The following SYCP2L variants were observed in gnomAD, a reference collection of about 807,000 sequenced individuals.
The protein encoded by SYCP2L is synaptonemal complex protein 2 like.
Under a neutral mutation model 125.8 loss-of-function variants are expected in SYCP2L, and 98 were observed. That is an observed-to-expected ratio of 0.78 (90% CI 0.66 to 0.92). The LOEUF is 0.92. SYCP2L is among the 40% of genes least tolerant of loss of function. SYCP2L has a pLI of 0.00. For synonymous variants in SYCP2L, 317 were observed against 325.4 expected, an observed-to-expected ratio of 0.97 and a Z score of 0.28; for missense variants, 842 against 936.4, an observed-to-expected ratio of 0.90 and a Z score of 1.32.
chr6:10,941,842 GAC>G (rs1781226704), intron 21 of SYCP2L, among the ~76,000 whole-genome samples: 2 of 152,050 alleles, frequency 1.3e-5, no homozygotes, highest in African/African-American at 4.8e-5. Flanking sequence ...CTGCTATAAA[GAC>G]ACATGCACAG....
Position 10,912,978 on chromosome 6 carries a change from G to T in SYCP2L, c.1072+51G>T, listed in dbSNP as rs1780635979. The T allele has an allele frequency of 6.6e-7, 1 of 1,521,296 alleles. No homozygotes were observed. Among genetic ancestry groups the T allele is most frequent in the Admixed American group, 1.7e-5 (1 of 58,390 alleles). The allele number at this position is 1,521,296 out of a possible 1,614,324, so 94.2% of individuals were successfully genotyped here. ...ACGTCCAGTTCCAAATATTATTTCT[G>T]TTGTATATGCAGTGTGTATTTATTT... On this transcript the variant is annotated intron_variant, in intron 14 of 29. Transcript: ENST00000283141. The surrounding 1 kb of genome is among the most constrained non-coding windows in gnomAD (Gnocchi z 4.1).
chr6:10,912,992 G>A lies in SYCP2L; in HGVS notation c.1072+65G>A. 1 of 1,457,404 alleles carries A rather than the reference G, an allele frequency of 6.9e-7. No individual in the cohort carries two copies. The highest frequency in any genetic ancestry group is 9.5e-7 in the Non-Finnish European group (1 of 1,055,514). The allele number at this position is 1,457,404 out of a possible 1,614,324, so 90.3% of individuals were successfully genotyped here. A position where few individuals can be genotyped will look rare whatever the true frequency, so the allele number is the denominator to read the frequency against. On this transcript the variant is annotated intron_variant, in intron 14 of 29. Transcript: ENST00000283141. The surrounding 1 kb of genome is among the most constrained non-coding windows in gnomAD (Gnocchi z 4.1). Reference sequence around the variant, plus strand: ...ATATTATTTCTGTTGTATATGCAGTGTGTATTTATTTAATTCTAGGGCATA... The same window carrying A: ...ATATTATTTCTGTTGTATATGCAGTATGTATTTATTTAATTCTAGGGCATA...
chr6:10,924,649 G>A lies in SYCP2L; in HGVS notation c.1218+8G>A. ...TTAGGAGAAGACAAACAGGTGGCAG[G>A]TTTCATTCTTTTGGATTATTTAAAA... is the stretch of plus-strand genomic sequence containing the variant. On this transcript the variant is annotated splice_region_variant and intron_variant, in intron 15 of 29. Transcript: ENST00000283141. 6.5e-7 allele frequency: 1 copy of A among 1,543,516 alleles called. No homozygotes were observed. The highest frequency in any genetic ancestry group is 8.7e-7 in the Non-Finnish European group (1 of 1,153,762).
chr6:10,916,501 G>T (rs1013083137), intron 14 of SYCP2L, among the ~76,000 whole-genome samples: 3 of 152,136 alleles, frequency 2.0e-5, no homozygotes, highest in Non-Finnish European at 4.4e-5. Flanking sequence ...TATCTCAGAG[G>T]TTTTGATAGG....
At chr6:10,931,753 T>C (rs1315281886) in intron 20 of SYCP2L, among the ~76,000 whole-genome samples, 2 of 152,074 alleles carry the variant, frequency 1.3e-5, no homozygotes, top group Admixed American at 1.3e-4. Flanking sequence ...TCACTTGAGT[T>C]TGGGAGTTCG....
intron 20 of SYCP2L, among the ~76,000 whole-genome samples, chr6:10,934,203 A>T (rs1377134114): frequency 6.6e-6 from 1 of 152,254 alleles, no homozygotes; most frequent in East Asian, 1.9e-4. Flanking sequence ...GTATTTAATG[A>T]AAGTACTATT....
At chr6:10,916,952 A>G (rs1350010668) in intron 14 of SYCP2L, among the ~76,000 whole-genome samples, 4 of 152,248 alleles carry the variant, frequency 2.6e-5, no homozygotes, top group Admixed American at 2.6e-4. Flanking sequence ...AGATTGCACT[A>G]CTGCACTCCA....
At position 10,912,840 on chromosome 6, in the gene SYCP2L, T is replaced by C. The variant is rs1561685194; in HGVS notation, c.1012-27T>C. Reference sequence around the variant, plus strand: ...TATGTAAGTATGTGTTTTGCACTCATGAATTTCACTTATTTATTTTCCCAA... The same window carrying C: ...TATGTAAGTATGTGTTTTGCACTCACGAATTTCACTTATTTATTTTCCCAA... On this transcript the variant is annotated intron_variant, in intron 13 of 29. Transcript: ENST00000283141. The surrounding 1 kb of genome is among the most constrained non-coding windows in gnomAD (Gnocchi z 4.1). 3.1e-6 allele frequency: 5 copies of C among 1,612,936 alleles called. No individual in the cohort carries two copies.
intron 9 of SYCP2L, among the ~76,000 whole-genome samples, chr6:10,906,672 A>C (rs984748774): frequency 6.7e-6 from 1 of 150,314 alleles, no homozygotes; most frequent in African/African-American, 2.5e-5. Flanking sequence ...ATCTCGGCTC[A>C]CTGCAGCCTC....
intron 14 of SYCP2L, among the ~76,000 whole-genome samples, chr6:10,918,000 C>A (rs921689702): frequency 2.0e-5 from 3 of 152,096 alleles, no homozygotes; most frequent in African/African-American, 7.2e-5. Context: ...TGTAGGATTT[C>A]TGCTGAGAAA....
intron 21 of SYCP2L, among the ~76,000 whole-genome samples, chr6:10,938,486 A>C (rs1434949861): frequency 6.6e-6 from 1 of 152,220 alleles, no homozygotes; most frequent in African/African-American, 2.4e-5. Context: ...TTTTCCTCTA[A>C]GATCAGGAAT....
chr6:10,921,393 C>G (rs940222303), intron 14 of SYCP2L, among the ~76,000 whole-genome samples: 6 of 152,154 alleles, frequency 3.9e-5, no homozygotes. Flanking sequence ...TAGGCATATA[C>G]CCAGTAATGG....
At position 10,928,386 on chromosome 6, in the gene SYCP2L, A is replaced by G. The variant is rs1454086317; in HGVS notation, c.1441-17A>G. On this transcript the variant is annotated splice_polypyrimidine_tract_variant and intron_variant, in intron 17 of 29. Transcript: ENST00000283141. The stretch of plus-strand genomic sequence containing the variant: ...AATGTCTATGAAATCTTCACAATCC[A>G]CGTTCTTCTGCCATAGCTTCAGCCG... The G allele has an allele frequency of 7.9e-7, 1 of 1,259,594 alleles. No homozygotes were observed. The allele number at this position is 1,259,594 out of a possible 1,614,324, so 78.0% of individuals were successfully genotyped here.
At chr6:10,956,070 T>A in intron 24 of SYCP2L, 66 bp from the exon 25 acceptor site, 2 of 1,319,228 alleles carry the variant, frequency 1.5e-6, no homozygotes, top group Non-Finnish European at 2.1e-6. Flanking sequence ...GGGCAACTGA[T>A]GAATTGAGCA....
rs966535199 is a variant in SYCP2L, at chr6:10,928,278, A to C, written c.1441-125A>C. 3 of 518,438 alleles carry C rather than the reference A, an allele frequency of 5.8e-6. No homozygotes were observed. The South Asian group carries it at 9.0e-5, about 16-fold the overall frequency. 32.1% of individuals were successfully genotyped at this position (518,438 alleles called of 1,614,324 possible). A position where few individuals can be genotyped will look rare whatever the true frequency, so the allele number is the denominator to read the frequency against. ...TCACAAGGGGAAGTGATAAGTGTCCATGAAATCTTCACAATTTATGTTCAG... is the reference window on the plus strand; with the variant it reads ...TCACAAGGGGAAGTGATAAGTGTCCCTGAAATCTTCACAATTTATGTTCAG... On this transcript the variant is annotated intron_variant, in intron 17 of 29. Transcript: ENST00000283141.
chr6:10,930,600 G>T, intron 19 of SYCP2L, 86 bp downstream of exon 19: 2 of 1,441,578 alleles, frequency 1.4e-6, no homozygotes, highest in Non-Finnish European at 1.9e-6. Context: ...TAATGGGAGT[G>T]GGTCCAAAGA....
intron 9 of SYCP2L, among the ~76,000 whole-genome samples, chr6:10,906,691 G>A (rs976543133): frequency 2.0e-5 from 3 of 151,168 alleles, no homozygotes; most frequent in South Asian, 2.1e-4. Flanking sequence ...TCCGCCTCCC[G>A]TTTTCAAGCG....
intron 6 of SYCP2L, 24 bp downstream of exon 6, chr6:10,898,872 T>C: frequency 7.6e-7 from 1 of 1,320,530 alleles, no homozygotes; most frequent in Non-Finnish European, 1.1e-6. Flanking sequence ...TGGCTACTAA[T>C]TGGCTATTAA....
intron 20 of SYCP2L, 123 bp downstream of exon 20, chr6:10,931,612 C>T (rs1175246887): frequency 1.1e-6 from 1 of 917,184 alleles, no homozygotes; most frequent in East Asian, 2.6e-5. Flanking sequence ...TGAATCACCG[C>T]CAATAGAAAT....
Sources: gnomAD v4.1 joint callset for allele counts (sites outside exome capture counted in the v4.1 genomes callset) on GRCh38, gnomAD v4.1.1 for gene constraint, Gnocchi (gnomAD v3.1) non-coding constraint, MANE v1.5 for transcripts, NCBI Gene and HGNC (gene_info 2026-07-23, HGNC 2026-07-21) for gene names.